C16orf74: variants seen among roughly 807,000 people sequenced by gnomAD.
C16orf74 encodes the protein calcimembrin.
A neutral mutation model predicts 6.5 loss-of-function variants in C16orf74; 10 were observed. The observed-to-expected ratio is 1.54, with a 90% CI of 0.95 to 2.61. The LOEUF is 2.61. C16orf74 is among the 30% of genes most tolerant of loss of function. The pLI is 0.00. For synonymous variants in C16orf74, 60 were observed against 42.5 expected, an observed-to-expected ratio of 1.41 and a Z score of -1.60; for missense variants, 141 against 105.9, an observed-to-expected ratio of 1.33 and a Z score of -1.45.
chr16:85,720,502 T>C (rs926852000), intron 2 of C16orf74, among the ~76,000 whole-genome samples: 1 of 152,164 alleles, frequency 6.6e-6, no homozygotes, highest in Non-Finnish European at 1.5e-5. Flanking sequence ...GCACAGTGAC[T>C]CATGCCTGTA....
In C16orf74 at chr16:85,709,711, C is replaced by T. The variant is rs973487483; in HGVS notation, c.172+453G>A. Among the ~76,000 whole-genome samples, 4 of 152,198 alleles carry T rather than the reference C, an allele frequency of 2.6e-5. No individual in the cohort carries two copies. In the South Asian group the frequency reaches 6.2e-4, roughly 24 times the overall value. ...CCTGGGAAGAACTCTATTTCCTCGC[C>T]GCTCCCAGCAGTGAGCTGCATCTGG... is the stretch of plus-strand genomic sequence containing the variant. On this transcript the variant is annotated intron_variant, in intron 3 of 3. Transcript: ENST00000284245.
chr16:85,745,125 G>A (rs1284225528), intron 1 of C16orf74, among the ~76,000 whole-genome samples: 1 of 89,342 alleles, frequency 1.1e-5, no homozygotes, highest in Non-Finnish European at 2.0e-5. Flanking sequence ...TGGGCAACAA[G>A]ACGAAACTCT....
chr16:85,750,673 C>A (rs953071352), intron 1 of C16orf74, among the ~76,000 whole-genome samples: 101 of 152,146 alleles, frequency 6.6e-4, no homozygotes, highest in Non-Finnish European at 9.7e-4. Flanking sequence ...CGGGGTCACA[C>A]CCCCACCGCC....
chr16:85,742,573 C>T (rs976846986), intron 1 of C16orf74, among the ~76,000 whole-genome samples: 1 of 152,052 alleles, frequency 6.6e-6, no homozygotes, highest in African/African-American at 2.4e-5. Context: ...CACACTTTCA[C>T]TCTTTTTGCC....
At chr16:85,737,341 T>A (rs2054255951) in intron 1 of C16orf74, among the ~76,000 whole-genome samples, 1 of 152,268 alleles carries the variant, frequency 6.6e-6, no homozygotes, top group African/African-American at 2.4e-5. Context: ...AGAACCTGCA[T>A]CCACACTACA....
intron 1 of C16orf74, among the ~76,000 whole-genome samples, chr16:85,742,600 G>A (rs2054321364): frequency 1.3e-5 from 2 of 152,134 alleles, no homozygotes. Context: ...AGACTGCAAT[G>A]GTGCGATCTC....
At chr16:85,734,555 A>C (rs946972840) in intron 2 of C16orf74, among the ~76,000 whole-genome samples, 1 of 152,186 alleles carries the variant, frequency 6.6e-6, no homozygotes, top group African/African-American at 2.4e-5. Context: ...CGCAAGTCAG[A>C]CCAGGGGCCG....
intron 1 of C16orf74, among the ~76,000 whole-genome samples, chr16:85,748,625 G>A (rs999866678): frequency 1.3e-5 from 2 of 152,064 alleles, no homozygotes; most frequent in Non-Finnish European, 2.9e-5. Context: ...ACCCAAAAGA[G>A]TTATTATCTA....
intron 1 of C16orf74, among the ~76,000 whole-genome samples, chr16:85,740,285 G>A (rs1161563013): frequency 6.6e-6 from 1 of 150,926 alleles, no homozygotes; most frequent in Non-Finnish European, 1.5e-5. Context: ...CAGGCATGGT[G>A]GCTCACGCCT....
At chr16:85,724,606 G>C (rs1041629937) in intron 2 of C16orf74, among the ~76,000 whole-genome samples, 9 of 152,024 alleles carry the variant, frequency 5.9e-5, no homozygotes, top group African/African-American at 2.2e-4. Context: ...TGAGCTTTGG[G>C]AGCGCTGAGC....
At chr16:85,709,258 G>A (rs1433323661) in intron 3 of C16orf74, among the ~76,000 whole-genome samples, 1 of 152,214 alleles carries the variant, frequency 6.6e-6, no homozygotes, top group Non-Finnish European at 1.5e-5. Context: ...GGAGGCTGAG[G>A]CAGAACAATC....
chr16:85,708,848 C>G (rs2053938813), intron 3 of C16orf74, among the ~76,000 whole-genome samples: 1 of 152,228 alleles, frequency 6.6e-6, no homozygotes, highest in African/African-American at 2.4e-5. Flanking sequence ...CTTCCATGCA[C>G]ACTACACCAG....
chr16:85,746,725 G>T (rs1192201503), intron 1 of C16orf74, among the ~76,000 whole-genome samples: 1 of 152,206 alleles, frequency 6.6e-6, no homozygotes, highest in Non-Finnish European at 1.5e-5. Context: ...CTGAGGCTTG[G>T]TAAGCCCCTT....
rs34082214 is a variant in C16orf74 at position 85,711,315 on chromosome 16, T to TAA, written c.29-1010_29-1009dup. ...TAAATGACAGAGTAAGACTCCATCT[T>TAA]AAAAAAAAAAAAAAAAAGGCTGGGC... is the stretch of plus-strand genomic sequence containing the variant. On this transcript the variant is annotated intron_variant, in intron 2 of 3. Coordinates refer to ENST00000284245, the MANE Select transcript of C16orf74 (RefSeq NM_206967.3). Among the ~76,000 whole-genome samples the TAA allele has an allele frequency of 8.3e-3, 1,027 of 123,928 alleles. 10 individuals are homozygous for TAA. Among genetic ancestry groups the TAA allele is most frequent in the African/African-American group, 0.022 (695 of 32,014 alleles). The allele number at this position is 123,928 out of a possible 152,430, so 81.3% of individuals were successfully genotyped here.
intron 1 of C16orf74, among the ~76,000 whole-genome samples, chr16:85,750,073 CTG>C (rs745424329): frequency 6.6e-6 from 1 of 152,236 alleles, no homozygotes; most frequent in Non-Finnish European, 1.5e-5. Flanking sequence ...ACGCCAGAGC[CTG>C]TGACTCAGGG....
intron 2 of C16orf74, among the ~76,000 whole-genome samples, chr16:85,711,091 A>ACC (rs2053964804): frequency 6.6e-6 from 1 of 152,130 alleles, no homozygotes; most frequent in Non-Finnish European, 1.5e-5. Flanking sequence ...AGGCGGGCAG[A>ACC]TCACTTGAGG....
At chr16:85,710,947 T>C (rs2053963388) in intron 2 of C16orf74, 1 of 152,266 alleles carries the variant, frequency 6.6e-6, no homozygotes, top group Non-Finnish European at 1.5e-5. Flanking sequence ...TGGAGGACAG[T>C]CTCTATTTCA....
intron 2 of C16orf74, among the ~76,000 whole-genome samples, chr16:85,729,514 C>G (rs78164240): frequency 0.019 from 2,915 of 152,338 alleles, 71 homozygotes; most frequent in African/African-American, 0.06. Context: ...TCCTGCCCCC[C>G]ACAGGGGAAG....
chr16:85,712,808 G>C (rs2053983199), intron 2 of C16orf74, among the ~76,000 whole-genome samples: 1 of 152,166 alleles, frequency 6.6e-6, no homozygotes, highest in Non-Finnish European at 1.5e-5. Flanking sequence ...TTTCTGAGAG[G>C]TGCTCTCTAA....
Sources: gnomAD v4.1 joint callset for allele counts (sites outside exome capture counted in the v4.1 genomes callset) on GRCh38, gnomAD v4.1.1 for gene constraint, MANE v1.5 for transcripts, NCBI Gene and HGNC (gene_info 2026-07-23, HGNC 2026-07-21) for gene names.